Variants in TMTC1 observed in about 807,000 individuals in gnomAD.
The protein encoded by TMTC1 is transmembrane O-mannosyltransferase targeting cadherins 1, also known as protein O-mannosyl-transferase TMTC1.
Under a neutral mutation model 104.8 loss-of-function variants are expected in TMTC1, and 73 were observed. The ratio of observed to expected loss-of-function variants is 0.70; its 90% CI spans 0.58 to 0.85. TMTC1 has a LOEUF of 0.85. Ranked by LOEUF, TMTC1 falls within the 40% of genes least tolerant of loss-of-function variation. The pLI, the probability that TMTC1 is intolerant of heterozygous loss-of-function variation, is 0.00. For synonymous variants in TMTC1, 434 were observed against 428.7 expected (o/e 1.01, Z -0.15); for missense variants, 1,035 against 1,096.1 (o/e 0.94, Z 0.79).
intron 5 of TMTC1, among the ~76,000 whole-genome samples, chr12:29,710,945 A>AAT (rs543021612): frequency 0.079 from 1,418 of 17,908 alleles, 27 homozygotes; most frequent in African/African-American, 0.11. Flanking sequence ...ATAATATATA[A>AAT]ATATATATAT....
At chr12:29,695,093 T>C (rs1240210680) in intron 5 of TMTC1, among the ~76,000 whole-genome samples, 1 of 152,176 alleles carries the variant, frequency 6.6e-6, no homozygotes, top group Non-Finnish European at 1.5e-5. Flanking sequence ...CCAGGCATAC[T>C]TCAGCTTCCT....
intron 2 of TMTC1, among the ~76,000 whole-genome samples, chr12:29,766,123 A>G (rs1396543728): frequency 1.3e-5 from 2 of 152,232 alleles, no homozygotes; most frequent in African/African-American, 4.8e-5. Flanking sequence ...ACTTAAAGGC[A>G]CCTTGCTCAG....
At chr12:29,559,322 A>G (rs1238722793) in intron 9 of TMTC1, among the ~76,000 whole-genome samples, 1 of 152,190 alleles carries the variant, frequency 6.6e-6, no homozygotes, top group Non-Finnish European at 1.5e-5. Context: ...GCAGCCGGTC[A>G]TCTCCGGCAA....
At chr12:29,781,738 G>A (rs1194400367) in intron 1 of TMTC1, among the ~76,000 whole-genome samples, 4 of 152,146 alleles carry the variant, frequency 2.6e-5, no homozygotes, top group Non-Finnish European at 5.9e-5. Flanking sequence ...GGCTGAGGCA[G>A]GAGAATTGCT....
chr12:29,654,375 T>C (rs566707897), intron 5 of TMTC1, among the ~76,000 whole-genome samples: 5 of 152,208 alleles, frequency 3.3e-5, no homozygotes, highest in East Asian at 3.9e-4. Context: ...CAGGGAAATA[T>C]AGGTACATCA....
At chr12:29,628,358 C>T (rs1938114450) in intron 6 of TMTC1, among the ~76,000 whole-genome samples, 1 of 152,174 alleles carries the variant, frequency 6.6e-6, no homozygotes, top group African/African-American at 2.4e-5. Flanking sequence ...AGAAGCCAGA[C>T]ATACAAGATT....
intron 5 of TMTC1, among the ~76,000 whole-genome samples, chr12:29,662,774 C>T (rs750676259): frequency 2.6e-5 from 4 of 152,084 alleles, no homozygotes; most frequent in Admixed American, 6.5e-5. Flanking sequence ...TTCCTTCTCA[C>T]CTCTCTTTTC....
chr12:29,783,572 G>A lies in TMTC1; in HGVS notation c.180C>T (p.Asn60=), dbSNP rs1943887642. 1.3e-6 allele frequency: 2 copies of A among 1,484,496 alleles called. No homozygotes were observed. The highest frequency in any genetic ancestry group is 4.4e-5 in the Admixed American group (2 of 45,550). The allele number at this position is 1,484,496 out of a possible 1,614,324, so 92.0% of individuals were successfully genotyped here. A position where few individuals can be genotyped will look rare whatever the true frequency, so the allele number is the denominator to read the frequency against. ...GCGGGGCGCCGGGCCGCACGTCGGG[G>A]TTGTTCACGATCGCCCACACGTCGT... is the stretch of plus-strand genomic sequence containing the variant. ...VHDDVWAIVN[N]PDVRPGAPLR... The change falls in exon 1 of 18, where the codon AAC becomes AAT. Residue 60 remains asparagine, a synonymous_variant. Coordinates refer to ENST00000539277, the MANE Select transcript of TMTC1 (RefSeq NM_001193451.2). This position sits in a 1 kb window ranked among gnomAD's most constrained non-coding sequence, Gnocchi z 4.7.
intron 13 of TMTC1, among the ~76,000 whole-genome samples, chr12:29,518,134 G>T (rs183140318): frequency 6.6e-6 from 1 of 152,278 alleles, no homozygotes; most frequent in African/African-American, 2.4e-5. Context: ...TGATGAATTT[G>T]TTCTCATGTG....
At chr12:29,640,096 G>A (rs1340484850) in intron 5 of TMTC1, among the ~76,000 whole-genome samples, 1 of 152,120 alleles carries the variant, frequency 6.6e-6, no homozygotes, top group East Asian at 1.9e-4. Context: ...TCAGCACCTG[G>A]GACCCATAGA....
intron 6 of TMTC1, among the ~76,000 whole-genome samples, chr12:29,614,170 G>T (rs1946918181): frequency 2.0e-5 from 3 of 152,120 alleles, no homozygotes; most frequent in African/African-American, 7.2e-5. Context: ...CTCTTAAGAG[G>T]TAAAAGAGGA....
At chr12:29,634,763 T>G (rs1565726256) in intron 5 of TMTC1, among the ~76,000 whole-genome samples, 1 of 152,222 alleles carries the variant, frequency 6.6e-6, no homozygotes, top group Non-Finnish European at 1.5e-5. Flanking sequence ...TGAAGAAAGT[T>G]TCTCCCTCAT....
intron 5 of TMTC1, among the ~76,000 whole-genome samples, chr12:29,659,568 T>C (rs1565746776): frequency 6.6e-6 from 1 of 152,186 alleles, no homozygotes; most frequent in Non-Finnish European, 1.5e-5. Context: ...GCCATCAGAA[T>C]AGTAGGCCAA....
At chr12:29,779,701 T>C (rs1943789819) in intron 1 of TMTC1, among the ~76,000 whole-genome samples, 2 of 152,070 alleles carry the variant, frequency 1.3e-5, no homozygotes, top group Non-Finnish European at 2.9e-5. Flanking sequence ...ATGTTTGGAG[T>C]ATTGCACTGA....
At chr12:29,521,012 C>T (rs1944137559) in intron 11 of TMTC1, 2 of 219,060 alleles carry the variant, frequency 9.1e-6, no homozygotes, top group Non-Finnish European at 1.8e-5. Context: ...TGCACGCCTA[C>T]CGGGGAAAAA....
intron 8 of TMTC1, 132 bp downstream of exon 8, chr12:29,583,275 C>A: frequency 1.3e-6 from 1 of 769,546 alleles, no homozygotes; most frequent in Non-Finnish European, 1.9e-6. Flanking sequence ...TTACATCTTC[C>A]ATTTAAAACT....
At chr12:29,729,509 C>A (rs899464206) in intron 5 of TMTC1, among the ~76,000 whole-genome samples, 2 of 152,170 alleles carry the variant, frequency 1.3e-5, no homozygotes, top group Non-Finnish European at 2.9e-5. Context: ...GACTCCCTCA[C>A]TGCTAGGTCA....
At position 29,556,877 on chromosome 12, in the gene TMTC1, G is replaced by A; in HGVS notation, c.1656C>T (p.Phe552=). 6.2e-7 allele frequency: 1 copy of A among 1,614,112 alleles called. No homozygotes were observed. Among genetic ancestry groups the A allele is most frequent in the East Asian group, 2.2e-5 (1 of 44,866 alleles). Reference sequence around the variant, plus strand: ...CTTACTTGAGGAGATTCCCCAGATTGAAAAGAGCCCGGTTATGCTGTGGAT... The same window carrying A: ...CTTACTTGAGGAGATTCCCCAGATTAAAAAGAGCCCGGTTATGCTGTGGAT... ...QLHPQHNRAL[F]NLGNLLKSQE... The change falls in exon 10 of 18, where the codon TTC becomes TTT. Residue 552 remains phenylalanine, a synonymous_variant. Coordinates refer to ENST00000539277, the MANE Select transcript of TMTC1 (RefSeq NM_001193451.2).
intron 10 of TMTC1, among the ~76,000 whole-genome samples, chr12:29,546,407 T>C (rs73069593): frequency 0.12 from 18,681 of 151,836 alleles, 1,458 homozygotes; most frequent in African/African-American, 0.22. Context: ...AGGGTACAAA[T>C]GGGAGGGAGG....
Sources: gnomAD v4.1 joint callset for allele counts (sites outside exome capture counted in the v4.1 genomes callset) on GRCh38, gnomAD v4.1.1 for gene constraint, Gnocchi (gnomAD v3.1) non-coding constraint, MANE v1.5 for transcripts, NCBI Gene and HGNC (gene_info 2026-07-23, HGNC 2026-07-21) for gene names.